Variants in NPAS2 observed in about 807,000 individuals in gnomAD.
NPAS2 encodes the protein neuronal PAS domain protein 2, also known as neuronal PAS domain-containing protein 2.
NPAS2 carries 23 observed loss-of-function variants against 107.5 expected under a neutral mutation model. The observed-to-expected ratio is 0.21, with a 90% CI of 0.15 to 0.30. The LOEUF (loss-of-function observed/expected upper bound fraction) is 0.30. Ranked by LOEUF, NPAS2 falls within the 10% of genes least tolerant of loss-of-function variation. NPAS2 has a pLI of 1.00. For synonymous variants in NPAS2, 403 were observed against 417.5 expected (o/e 0.97, Z 0.42); for missense variants, 756 against 1,043.3 (o/e 0.72, Z 3.79).
intron 1 of NPAS2, chr2:100,878,526 G>A (rs1680128788): frequency 1.0e-6 from 1 of 985,318 alleles, no homozygotes; most frequent in Non-Finnish European, 1.2e-6. Context: ...TACTTTGTTT[G>A]TTCTTCTAAA....
At chr2:100,945,273 C>A (rs1674817849) in intron 5 of NPAS2, among the ~76,000 whole-genome samples, 1 of 152,164 alleles carries the variant, frequency 6.6e-6, no homozygotes, top group Non-Finnish European at 1.5e-5. Context: ...TGTCCTCACA[C>A]CCACCGGAAC....
At chr2:100,977,893 G>A in intron 15 of NPAS2, 94 bp downstream of exon 15, 9 of 1,074,266 alleles carry the variant, frequency 8.4e-6, no homozygotes, top group Non-Finnish European at 1.1e-5. Flanking sequence ...TCCCAACCAA[G>A]GCCCTGACGT....
chr2:100,924,665 G>T (rs1044826127), intron 2 of NPAS2, among the ~76,000 whole-genome samples: 3 of 152,202 alleles, frequency 2.0e-5, no homozygotes, highest in African/African-American at 7.2e-5. Context: ...CCAACAGGGC[G>T]ATGAGCTCTT....
Position 100,976,198 on chromosome 2 carries a change from G to T in NPAS2, c.1392+631G>T, listed in dbSNP as rs563337044. Among the ~76,000 whole-genome samples, 2 of 152,006 alleles carry T rather than the reference G, an allele frequency of 1.3e-5. No homozygotes were observed. The highest frequency in any genetic ancestry group is 4.2e-4 in the South Asian group (2 of 4,804). ...TCTGCTCCTTGGTGTCGGGGATCTC[G>T]TGGGCCTAGGCTATGGAATGCACCC... On this transcript the variant is annotated intron_variant, in intron 14 of 20. Coordinates refer to ENST00000335681, the MANE Select transcript of NPAS2 (RefSeq NM_002518.4). This position sits in a 1 kb window ranked among gnomAD's most constrained non-coding sequence, Gnocchi z 4.1.
intron 7 of NPAS2, among the ~76,000 whole-genome samples, chr2:100,950,622 G>C (rs1319856919): frequency 1.3e-5 from 2 of 152,148 alleles, no homozygotes; most frequent in Non-Finnish European, 2.9e-5. Flanking sequence ...TGTTTAAAAG[G>C]CTCCAACTAG....
At position 100,849,085 on chromosome 2, in the gene NPAS2, A is replaced by G. The variant is rs1677979933; in HGVS notation, c.-23+28671A>G. On this transcript the variant is annotated intron_variant, in intron 1 of 20. Transcript: ENST00000335681. ...ACCCAAGTTTATAGACCTGCTGGGA[A>G]GTGGAAGGCAGTTGGTTGCCTTTCT... is the stretch of plus-strand genomic sequence containing the variant. Among the ~76,000 whole-genome samples, 3 of 152,224 alleles carry G rather than the reference A, an allele frequency of 2.0e-5. No individual in the cohort carries two copies. In the South Asian group the frequency reaches 6.2e-4, roughly 32 times the overall value.
intron 1 of NPAS2, among the ~76,000 whole-genome samples, chr2:100,876,872 A>G (rs1290105980): frequency 6.6e-6 from 1 of 152,218 alleles, no homozygotes; most frequent in East Asian, 1.9e-4. Flanking sequence ...CTCAGGGTTC[A>G]AGAAATGCTG....
chr2:100,948,312 C>G lies in NPAS2; in HGVS notation c.441C>G (p.Ser147=). The change falls in exon 6 of 21, where the codon TCC becomes TCG. Residue 147 remains serine (S), a synonymous_variant. Transcript: ENST00000335681. The stretch of plus-strand genomic sequence containing the variant: ...CAGAAGTTTATAAAATCCTTTCTTC[C>G]CATATGCTTGTGACGGATTCCCCCT... The part of the protein sequence containing the change: ...EHSEVYKILS[S]HMLVTDSPSP... The G allele has an allele frequency of 1.9e-6, 3 of 1,612,722 alleles. No homozygotes were observed. Among genetic ancestry groups the G allele is most frequent in the Non-Finnish European group, 2.5e-6 (3 of 1,179,476 alleles).
chr2:100,873,393 T>C (rs1178534468), intron 1 of NPAS2, among the ~76,000 whole-genome samples: 1 of 147,056 alleles, frequency 6.8e-6, no homozygotes, highest in Non-Finnish European at 1.5e-5. Flanking sequence ...CAAATATATA[T>C]ATATTTGAAA....
At chr2:100,987,864 G>A (rs1461964273) in intron 16 of NPAS2, 2 of 612,460 alleles carry the variant, frequency 3.3e-6, no homozygotes, top group Non-Finnish European at 5.9e-6. Flanking sequence ...CATGAAGGCA[G>A]AGAGAGTGTC....
intron 7 of NPAS2, among the ~76,000 whole-genome samples, chr2:100,954,286 CCT>C (rs1675422180): frequency 6.6e-6 from 1 of 152,128 alleles, no homozygotes; most frequent in Non-Finnish European, 1.5e-5. Context: ...AGTTGTTTGT[CCT>C]CTCTAGGAAT....
chr2:100,967,784 G>A (rs78247219), intron 10 of NPAS2, among the ~76,000 whole-genome samples: 1,952 of 152,286 alleles, frequency 0.013, 41 homozygotes, highest in African/African-American at 0.043. Flanking sequence ...GAAGCCTGGG[G>A]TGGAGGCATC....
At chr2:100,860,589 C>T (rs1005842822) in intron 1 of NPAS2, among the ~76,000 whole-genome samples, 3 of 152,158 alleles carry the variant, frequency 2.0e-5, no homozygotes, top group Non-Finnish European at 4.4e-5. Flanking sequence ...CTCCCTTCTA[C>T]GTGTGTTAGT....
At chr2:100,877,419 C>T (rs951799653) in intron 1 of NPAS2, among the ~76,000 whole-genome samples, 11 of 122,612 alleles carry the variant, frequency 9.0e-5, no homozygotes, top group Non-Finnish European at 1.6e-4. Context: ...GAGCCGAGAT[C>T]GCGCCACTAG....
At chr2:100,932,420 A>G (rs575164676) in intron 3 of NPAS2, among the ~76,000 whole-genome samples, 2 of 152,342 alleles carry the variant, frequency 1.3e-5, no homozygotes, top group South Asian at 4.1e-4. Context: ...ATGCTGAAAA[A>G]TATGGTACAT....
At chr2:100,862,155 A>C (rs993349010) in intron 1 of NPAS2, among the ~76,000 whole-genome samples, 6 of 152,100 alleles carry the variant, frequency 3.9e-5, no homozygotes, top group Non-Finnish European at 8.8e-5. Flanking sequence ...GGGTAAAAGG[A>C]AAAAAAAGAA....
At chr2:100,885,083 G>A (rs537190922) in intron 1 of NPAS2, among the ~76,000 whole-genome samples, 2 of 152,084 alleles carry the variant, frequency 1.3e-5, no homozygotes, top group African/African-American at 4.8e-5. Context: ...CGCGTAGCTG[G>A]GACTACAGGT....
At chr2:100,867,369 G>A (rs1165850018) in intron 1 of NPAS2, among the ~76,000 whole-genome samples, 1 of 152,164 alleles carries the variant, frequency 6.6e-6, no homozygotes, top group African/African-American at 2.4e-5. Flanking sequence ...GTGCATGTAA[G>A]TTTAGGATTA....
At chr2:100,971,422 T>C (rs1336265199) in intron 12 of NPAS2, among the ~76,000 whole-genome samples, 2 of 150,952 alleles carry the variant, frequency 1.3e-5, no homozygotes, top group African/African-American at 4.9e-5. Flanking sequence ...CGGCATCTCC[T>C]CCACAGATAA....
Sources: allele counts gnomAD v4.1 joint callset (sites outside exome capture counted in the v4.1 genomes callset), GRCh38; gene constraint gnomAD v4.1.1; non-coding constraint Gnocchi (gnomAD v3.1); transcripts MANE v1.5; gene names NCBI Gene and HGNC (gene_info 2026-07-23, HGNC 2026-07-21).